Variants in SH2B1 observed in about 807,000 individuals in gnomAD.
SH2B1 encodes SH2B adaptor protein 1.
Under a neutral mutation model 62.6 loss-of-function variants are expected in SH2B1, and 15 were observed. That is an observed-to-expected ratio of 0.24 (90% CI 0.16 to 0.37). SH2B1 has a LOEUF of 0.37. Among genes scored for constraint, SH2B1 ranks in the 10% least tolerant of loss-of-function variants. The pLI is 1.00. For synonymous variants in SH2B1, 443 were observed against 438.0 expected, an observed-to-expected ratio of 1.01 and a Z score of -0.14; for missense variants, 925 against 1,015.6, an observed-to-expected ratio of 0.91 and a Z score of 1.21.
chr16:28,865,744 TCCAAAG>T lies in SH2B1; in HGVS notation c.-348_-343del. On this transcript the variant is annotated 5_prime_UTR_variant, in exon 1 of 8. Transcript: ENST00000684370. ...GTTCCCTTTTTTAGGGGGAAGGTGC[TCCAAAG>T]CCCTCTACTGCTGGATCCAAAGCTA... The T allele has an allele frequency of 9.4e-7, 1 of 1,059,992 alleles. No individual in the cohort carries two copies. Among genetic ancestry groups the T allele is most frequent in the Non-Finnish European group, 1.1e-6 (1 of 879,088 alleles). 65.7% of individuals were successfully genotyped at this position (1,059,992 alleles called of 1,614,324 possible). A position where few individuals can be genotyped will look rare whatever the true frequency, so the allele number is the denominator to read the frequency against.
At chr16:28,861,903 T>C (rs764502831), upstream of SH2B1, among the ~76,000 whole-genome samples, 25 of 152,208 alleles carry the variant, frequency 1.6e-4, no homozygotes, top group Non-Finnish European at 3.5e-4. Context: ...GCTAAGCTAT[T>C]AGGGTTTAAG....
chr16:28,863,521 ACTCTAGCC>A (rs1962522143), upstream of SH2B1: 2 of 658,382 alleles, frequency 3.0e-6, no homozygotes, highest in East Asian at 5.9e-5. Context: ...CTCGGCGGCT[ACTCTAGCC>A]CTCAGCCGGG....
chr16:28,855,448 T>C (rs1000647738), intron 1 of SH2B1, among the ~76,000 whole-genome samples: 1 of 152,184 alleles, frequency 6.6e-6, no homozygotes, highest in Non-Finnish European at 1.5e-5. Context: ...CTCAAACTCC[T>C]GGCCTCGAGT....
chr16:28,848,236 G>C (rs894650116), intron 1 of SH2B1, among the ~76,000 whole-genome samples: 1 of 152,018 alleles, frequency 6.6e-6, no homozygotes. Flanking sequence ...TCAGGAGTTC[G>C]AGAACAGCCT....
chr16:28,863,742 G>T, upstream of SH2B1: 2 of 1,535,768 alleles, frequency 1.3e-6, no homozygotes, highest in Non-Finnish European at 1.7e-6. Context: ...CGCCGAGTGG[G>T]AGGATGGCGG....
chr16:28,861,141 T>A (rs1232461360), upstream of SH2B1, among the ~76,000 whole-genome samples: 1 of 151,468 alleles, frequency 6.6e-6, no homozygotes, highest in Non-Finnish European at 1.5e-5. Flanking sequence ...CCAGCACTTT[T>A]TTGTTTTTTG....
Position 28,873,925 on chromosome 16 carries a change from C to T in SH2B1, c.*105C>T, listed in dbSNP as rs1478333299. The T allele has an allele frequency of 2.5e-6, 3 of 1,176,952 alleles. No individual in the cohort carries two copies. The highest frequency in any genetic ancestry group is 3.3e-6 in the Non-Finnish European group (3 of 910,208). The allele number at this position is 1,176,952 out of a possible 1,614,324, so 72.9% of individuals were successfully genotyped here. On this transcript the variant is annotated 3_prime_UTR_variant, in exon 8 of 8. Coordinates refer to ENST00000684370, the MANE Select transcript of SH2B1 (RefSeq NM_001387430.1). This position sits in a 1 kb window ranked among gnomAD's most constrained non-coding sequence, Gnocchi z 4.2. ...GAAATCCCTCCCCCATGCTTCCTGA[C>T]CCTTGTTGGCCAAGGGCATCTTTGA...
At chr16:28,859,243 CTATT>C (rs981554417), upstream of SH2B1, among the ~76,000 whole-genome samples, 6 of 152,008 alleles carry the variant, frequency 3.9e-5, no homozygotes, top group Admixed American at 6.6e-5. Flanking sequence ...CATGCCCAGC[CTATT>C]TATTTAAGTT....
rs1962767213 is a variant in SH2B1, at chr16:28,867,278, A to G, written c.940-53A>G. 2.1e-6 allele frequency: 3 copies of G among 1,417,222 alleles called. No homozygotes were observed. The East Asian group carries it at 6.8e-5, about 32-fold the overall frequency. The allele number at this position is 1,417,222 out of a possible 1,614,324, so 87.8% of individuals were successfully genotyped here. ...AAGATGAATGTCTGGAGGGAGGGGA[A>G]GAGTGGTCTTTGGAAACCAAACACC... On this transcript the variant is annotated intron_variant, in intron 1 of 7. Coordinates refer to ENST00000684370, the MANE Select transcript of SH2B1 (RefSeq NM_001387430.1).
chr16:28,862,051 C>G (rs939884492), upstream of SH2B1: 2 of 152,204 alleles, frequency 1.3e-5, no homozygotes, highest in Non-Finnish European at 2.9e-5. Context: ...GTTCACCTGT[C>G]TGAATCTGTC....
intron 1 of SH2B1, among the ~76,000 whole-genome samples, chr16:28,847,386 C>T (rs1178195949): frequency 6.6e-6 from 1 of 152,128 alleles, no homozygotes; most frequent in African/African-American, 2.4e-5. Context: ...GCTAATGTTT[C>T]GGAACTCATC....
Position 28,865,528 on chromosome 16 carries a change from A to G in SH2B1, c.-567A>G, listed in dbSNP as rs1962637985. ...CAGCCGGGCCCTGGGGACAGGGACT[A>G]TGAAGTGGGGAAAACAGTAGACTTG... On this transcript the variant is annotated 5_prime_UTR_variant, in exon 1 of 8. An upstream start codon of the reference 5' UTR is lost. Transcript: ENST00000684370. 4 of 985,630 alleles carry G rather than the reference A, an allele frequency of 4.1e-6. No individual in the cohort carries two copies. Among genetic ancestry groups the G allele is most frequent in the Non-Finnish European group, 4.8e-6 (4 of 830,002 alleles). The allele number at this position is 985,630 out of a possible 1,614,324, so 61.1% of individuals were successfully genotyped here. A position where few individuals can be genotyped will look rare whatever the true frequency, so the allele number is the denominator to read the frequency against.
chr16:28,862,016 G>T (rs1236391248), upstream of SH2B1: 1 of 152,202 alleles, frequency 6.6e-6, no homozygotes, highest in East Asian at 1.9e-4. Flanking sequence ...TGAGCCACAG[G>T]TTCCTGATAT....
upstream of SH2B1, chr16:28,863,727 GTC>G: frequency 1.3e-6 from 2 of 1,535,716 alleles, no homozygotes; most frequent in Non-Finnish European, 1.7e-6. Flanking sequence ...GTCTCCTGGG[GTC>G]GGCGCCGAGT....
chr16:28,872,968 C>T lies in SH2B1; in HGVS notation c.1897+263C>T. ...GCGCATCCCCATTCCATCGGATCCT[C>T]TGTTCCATTGTCTGTCTGTCTCCTG... On this transcript the variant is annotated intron_variant, in intron 7 of 7. Transcript: ENST00000684370. The surrounding 1 kb of genome is among the most constrained non-coding windows in gnomAD (Gnocchi z 5.3). 1 of 638,588 alleles carries T rather than the reference C, an allele frequency of 1.6e-6. No homozygotes were observed. Among genetic ancestry groups the T allele is most frequent in the Admixed American group, 2.8e-5 (1 of 35,820 alleles). The allele number at this position is 638,588 out of a possible 1,614,324, so 39.6% of individuals were successfully genotyped here.
upstream of SH2B1, chr16:28,863,842 G>A: frequency 2.0e-6 from 3 of 1,531,428 alleles, no homozygotes; most frequent in East Asian, 2.5e-5. Flanking sequence ...ACGCCTGCGC[G>A]GAACCGGGCT....
In SH2B1 at chr16:28,866,723, G is replaced by A. The variant is rs776224704; in HGVS notation, c.629G>A (p.Gly210Asp). 1.3e-6 allele frequency: 2 copies of A among 1,585,510 alleles called. No individual in the cohort carries two copies. The highest frequency in any genetic ancestry group is 1.7e-6 in the Non-Finnish European group (2 of 1,165,678). ...TCCTCTGGCGGGGCTGGGACCGTTG[G>A]TAGGGGACTGGTCAGTGATGGAACG... ...SNSSGGAGTV[G>D]RGLVSDGTSP... is the part of the protein sequence containing the mutation. Residue 210 changes from glycine to aspartate, a missense_variant, in exon 1 of 8, where the codon GGT (glycine) becomes GAT (aspartate). By Grantham distance (94) the Gly-to-Asp change is moderately conservative. Coordinates refer to ENST00000684370, the MANE Select transcript of SH2B1 (RefSeq NM_001387430.1). This position sits in a 1 kb window ranked among gnomAD's most constrained non-coding sequence, Gnocchi z 6.3.
intron 1 of SH2B1, among the ~76,000 whole-genome samples, chr16:28,851,019 C>CAA (rs1312368002): frequency 6.8e-6 from 1 of 147,996 alleles, no homozygotes; most frequent in African/African-American, 2.5e-5. Flanking sequence ...TAAAAAAATA[C>CAA]AAAAATTAGC....
At chr16:28,861,018 A>G (rs1335851423), upstream of SH2B1, among the ~76,000 whole-genome samples, 3 of 151,926 alleles carry the variant, frequency 2.0e-5, no homozygotes, top group Non-Finnish European at 2.9e-5. Context: ...AGGTTTCGCC[A>G]TGTTGGCTAG....
Sources: gnomAD v4.1 joint callset for allele counts (sites outside exome capture counted in the v4.1 genomes callset) on GRCh38, gnomAD v4.1.1 for gene constraint, Gnocchi (gnomAD v3.1) non-coding constraint, MANE v1.5 for transcripts, NCBI Gene and HGNC (gene_info 2026-07-23, HGNC 2026-07-21) for gene names.